LRP1B: variants seen among roughly 807,000 people sequenced by gnomAD.
LRP1B encodes the protein low-density lipoprotein receptor-related protein 1B.
LRP1B carries 217 observed loss-of-function variants against 556.6 expected under a neutral mutation model. The observed-to-expected ratio is 0.39, with a 90% CI of 0.35 to 0.44. The LOEUF is 0.44. Among genes scored for constraint, LRP1B ranks in the 20% least tolerant of loss-of-function variants. The pLI is 1.00. For missense variants in LRP1B, 5,053 were observed against 5,620.8 expected (o/e 0.90, Z 3.23); for synonymous variants, 2,047 against 1,865.8 (o/e 1.10, Z -2.50).
Position 140,716,831 on chromosome 2 carries a change from C to CA in LRP1B, c.5759-16dup, listed in dbSNP as rs1687228571. 4.7e-6 allele frequency: 7 copies of CA among 1,479,584 alleles called. No individual in the cohort carries two copies. Among genetic ancestry groups the CA allele is most frequent in the Admixed American group, 4.0e-5 (2 of 50,538 alleles). The allele number at this position is 1,479,584 out of a possible 1,614,324, so 91.7% of individuals were successfully genotyped here. ...GGTATCATTTTCTATGGATAAGACACAGAAAAAAAATACATATACACACAC... is the reference window on the plus strand; with the variant it reads ...GGTATCATTTTCTATGGATAAGACACAAGAAAAAAAATACATATACACACAC... On this transcript the variant is annotated splice_polypyrimidine_tract_variant and intron_variant, in intron 35 of 90. Coordinates refer to ENST00000389484, the MANE Select transcript of LRP1B (RefSeq NM_018557.3).
chr2:142,115,475 TAC>T (rs1298944639), intron 1 of LRP1B, among the ~76,000 whole-genome samples: 2 of 62,828 alleles, frequency 3.2e-5, no homozygotes, highest in African/African-American at 8.7e-5. Flanking sequence ...ATATATTACA[TAC>T]ATATAATATA....
chr2:142,022,847 A>AT (rs993419932), intron 1 of LRP1B, among the ~76,000 whole-genome samples: 2 of 150,988 alleles, frequency 1.3e-5, no homozygotes, highest in Non-Finnish European at 1.5e-5. Flanking sequence ...ATTTTTTTAA[A>AT]TTTTTTTTTA....
chr2:141,007,473 G>T (rs1697609650), intron 14 of LRP1B, among the ~76,000 whole-genome samples: 1 of 150,940 alleles, frequency 6.6e-6, no homozygotes, highest in African/African-American at 2.4e-5. Context: ...AATTCAGAGG[G>T]TAATTAAGCC....
chr2:140,930,228 T>C (rs982386119), intron 20 of LRP1B, among the ~76,000 whole-genome samples: 2 of 152,140 alleles, frequency 1.3e-5, no homozygotes, highest in African/African-American at 4.8e-5. Flanking sequence ...TATGTTTTCA[T>C]GTTGCTGATG....
chr2:140,935,843 C>G (rs1695186812), intron 20 of LRP1B, among the ~76,000 whole-genome samples: 2 of 151,916 alleles, frequency 1.3e-5, no homozygotes, highest in African/African-American at 4.8e-5. Context: ...GCAGTGTGGG[C>G]TGATATGTAT....
At chr2:140,851,912 G>A in intron 27 of LRP1B, 129 bp from the exon 28 acceptor site, 1 of 626,826 alleles carries the variant, frequency 1.6e-6, no homozygotes, top group Non-Finnish European at 2.7e-6. Context: ...TTAGTAGGGT[G>A]ATTAATATGA....
At chr2:140,903,398 A>C (rs1159682242) in intron 22 of LRP1B, among the ~76,000 whole-genome samples, 1 of 152,116 alleles carries the variant, frequency 6.6e-6, no homozygotes, top group Non-Finnish European at 1.5e-5. Context: ...GAAGATTTTC[A>C]TTTCTATAAA....
At chr2:140,455,249 C>A (rs1239132745) in intron 62 of LRP1B, among the ~76,000 whole-genome samples, 1 of 152,024 alleles carries the variant, frequency 6.6e-6, no homozygotes, top group African/African-American at 2.4e-5. Flanking sequence ...TAGAATAACA[C>A]ATTTTGTAAT....
intron 3 of LRP1B, among the ~76,000 whole-genome samples, chr2:141,258,219 C>A (rs991061652): frequency 6.6e-6 from 1 of 152,160 alleles, no homozygotes; most frequent in African/African-American, 2.4e-5. Context: ...GAAGTGGTGG[C>A]TCACACTTAT....
chr2:141,338,555 C>A (rs1307744982), intron 3 of LRP1B, among the ~76,000 whole-genome samples: 1 of 152,140 alleles, frequency 6.6e-6, no homozygotes, highest in Non-Finnish European at 1.5e-5. Context: ...TATCAGAGTT[C>A]TAATTAGCTA....
intron 1 of LRP1B, among the ~76,000 whole-genome samples, chr2:141,962,095 T>G (rs1701417887): frequency 6.6e-6 from 1 of 151,778 alleles, no homozygotes; most frequent in African/African-American, 2.4e-5. Flanking sequence ...ACAGTAATTT[T>G]TAACCTACAA....
At chr2:140,793,703 C>T (rs1468576673) in intron 32 of LRP1B, among the ~76,000 whole-genome samples, 1 of 151,938 alleles carries the variant, frequency 6.6e-6, no homozygotes, top group Non-Finnish European at 1.5e-5. Flanking sequence ...AAAACCTCCA[C>T]ATTATAGCTT....
intron 3 of LRP1B, among the ~76,000 whole-genome samples, chr2:141,362,783 C>G (rs1247653356): frequency 3.4e-5 from 5 of 148,598 alleles, no homozygotes; most frequent in African/African-American, 1.2e-4. Flanking sequence ...AGAAAGAAAG[C>G]TTCTAAAAAG....
rs115178359 is a variant in LRP1B at position 140,790,629 on chromosome 2, C to G, written c.5360-14391G>C. Among the ~76,000 whole-genome samples, 931 of 152,212 alleles carry G rather than the reference C, an allele frequency of 6.1e-3. 13 individuals carry two copies. The highest frequency in any genetic ancestry group is 0.021 in the African/African-American group (877 of 41,526). On this transcript the variant is annotated intron_variant, in intron 32 of 90. Transcript: ENST00000389484. ...GGACATTTCTGAGTTTGGGTGCAAG[C>G]CTTCTACTAGGTAGTGAGGCCCGTC...
intron 49 of LRP1B, among the ~76,000 whole-genome samples, chr2:140,522,269 A>T (rs577248022): frequency 6.6e-6 from 1 of 152,038 alleles, no homozygotes; most frequent in African/African-American, 2.4e-5. Flanking sequence ...GAAATCAATA[A>T]CCAGAGGAAT....
At chr2:140,993,116 A>G (rs1198923785) in intron 16 of LRP1B, among the ~76,000 whole-genome samples, 1 of 152,048 alleles carries the variant, frequency 6.6e-6, no homozygotes, top group Non-Finnish European at 1.5e-5. Context: ...TTGTATATTA[A>G]TTTTTAAAAA....
intron 66 of LRP1B, among the ~76,000 whole-genome samples, chr2:140,416,101 A>T (rs1473926166): frequency 6.6e-6 from 1 of 152,154 alleles, no homozygotes; most frequent in East Asian, 1.9e-4. Flanking sequence ...GCCAAGCTTC[A>T]TCTGTATTCA....
chr2:140,750,695 A>G (rs1292980406), intron 35 of LRP1B, among the ~76,000 whole-genome samples: 1 of 152,178 alleles, frequency 6.6e-6, no homozygotes, highest in East Asian at 1.9e-4. Context: ...TTAGCCTTGT[A>G]ACTTATTGAC....
At chr2:141,377,731 A>T (rs996737751) in intron 3 of LRP1B, among the ~76,000 whole-genome samples, 1 of 151,932 alleles carries the variant, frequency 6.6e-6, no homozygotes, top group African/African-American at 2.4e-5. Flanking sequence ...AAAATATATT[A>T]CATTTCTTTT....
Sources: gnomAD v4.1 joint callset for allele counts (sites outside exome capture counted in the v4.1 genomes callset) on GRCh38, gnomAD v4.1.1 for gene constraint, MANE v1.5 for transcripts, NCBI Gene and HGNC (gene_info 2026-07-23, HGNC 2026-07-21) for gene names.